PLAGL2: variants seen among roughly 807,000 people sequenced by gnomAD.
The protein encoded by PLAGL2 is zinc finger protein PLAGL2.
In PLAGL2, 7 loss-of-function variants were observed where a neutral mutation model predicts 29.0. The observed-to-expected ratio is 0.24, with a 90% CI of 0.14 to 0.45. The LOEUF is 0.45. Among genes scored for constraint, PLAGL2 ranks in the 20% least tolerant of loss-of-function variants. PLAGL2 has a pLI of 0.99. For synonymous variants in PLAGL2, 234 were observed against 266.0 expected (o/e 0.88, Z 1.17); for missense variants, 454 against 648.2 (o/e 0.70, Z 3.25).
At chr20:32,207,521 A>T (rs1056286334) in intron 1 of PLAGL2, 120 bp downstream of exon 1, 2 of 152,328 alleles carry the variant, frequency 1.3e-5, no homozygotes, top group African/African-American at 4.8e-5. Context: ...GGTGTGGGCG[A>T]CCGCGCTGAG....
Position 32,197,167 on chromosome 20 carries a change from A to G in PLAGL2, c.776T>C (p.Leu259Pro), listed in dbSNP as rs773671880. Residue 259 changes from leucine (L) to proline (P), a missense_variant, in exon 3 of 3, where the codon CTA becomes CCA. This residue lies in a region of PLAGL2 where 247 missense variants were observed against 350.3 expected (regional missense o/e 0.71). Transcript: ENST00000246229. The surrounding 1 kb of genome is among the most constrained non-coding windows in gnomAD (Gnocchi z 6.6). ...ACTGACTGTGGAGCTGCAGCTGAGT[A>G]GGCCTAACATGTCCACGGGCTCTGT... ...IKTEPVDMLG[L>P]LSCSSTVSVK... 4 of 1,614,080 alleles carry G rather than the reference A, an allele frequency of 2.5e-6. No homozygotes were observed. The highest frequency in any genetic ancestry group is 1.3e-5 in the African/African-American group (1 of 74,936).
rs1056776 is a variant in PLAGL2 at position 32,194,740 on chromosome 20, C to G, written c.*1712G>C. 44,999 of 152,480 alleles carry G rather than the reference C, an allele frequency of 0.3. 9,902 individuals are homozygous for G. The highest frequency in any genetic ancestry group is 0.62 in the African/African-American group (25,634 of 41,418). The allele number at this position is 152,480 out of a possible 1,614,324, so 9.4% of individuals were successfully genotyped here. On this transcript the variant is annotated 3_prime_UTR_variant, in exon 3 of 3. Coordinates refer to ENST00000246229, the MANE Select transcript of PLAGL2 (RefSeq NM_002657.3). ...CTTGGTAGTTTGTCCTGAAACCCTACTGGAGAAGTCAGCATGAGGCACCTA... is the reference window on the plus strand; with the variant it reads ...CTTGGTAGTTTGTCCTGAAACCCTAGTGGAGAAGTCAGCATGAGGCACCTA...
intron 2 of PLAGL2, 91 bp downstream of exon 2, chr20:32,201,828 C>T (rs1282950749): frequency 4.6e-6 from 5 of 1,089,370 alleles, no homozygotes; most frequent in Non-Finnish European, 6.7e-6. Flanking sequence ...CACTCTTCTG[C>T]CACAGATTAA....
At chr20:32,204,607 A>G (rs1007846530) in intron 1 of PLAGL2, among the ~76,000 whole-genome samples, 4 of 152,212 alleles carry the variant, frequency 2.6e-5, no homozygotes, top group African/African-American at 9.7e-5. Flanking sequence ...CCCTACCTAC[A>G]GTCACCAGCA....
chr20:32,203,994 T>C (rs2047273114), intron 1 of PLAGL2, among the ~76,000 whole-genome samples: 1 of 152,212 alleles, frequency 6.6e-6, no homozygotes, highest in African/African-American at 2.4e-5. Context: ...CCTGCTTCAC[T>C]ATAAACCTCA....
chr20:32,206,465 T>C (rs974296090), intron 1 of PLAGL2, among the ~76,000 whole-genome samples: 4 of 152,198 alleles, frequency 2.6e-5, no homozygotes, highest in Admixed American at 1.3e-4. Context: ...CTCCCACTCC[T>C]GGGGAGGCCT....
intron 2 of PLAGL2, among the ~76,000 whole-genome samples, chr20:32,200,885 C>A (rs369511954): frequency 6.6e-6 from 1 of 152,240 alleles, no homozygotes; most frequent in Non-Finnish European, 1.5e-5. Context: ...CGAGCCACCA[C>A]GCCTGGCCCA....
chr20:32,197,723 G>A lies in PLAGL2; in HGVS notation c.261-41C>T, dbSNP rs752232242. Reference sequence around the variant, plus strand: ...GGGGATAGGGGAGAAAGCAGAAAGAGGGGAGATCACAAGGGATGACTGGAC... The same window carrying A: ...GGGGATAGGGGAGAAAGCAGAAAGAAGGGAGATCACAAGGGATGACTGGAC... On this transcript the variant is annotated intron_variant, in intron 2 of 2. Coordinates refer to ENST00000246229, the MANE Select transcript of PLAGL2 (RefSeq NM_002657.3). This position sits in a 1 kb window ranked among gnomAD's most constrained non-coding sequence, Gnocchi z 6.6. 1.4e-5 allele frequency: 22 copies of A among 1,565,546 alleles called. 1 individual carries two copies. In the East Asian group the frequency reaches 4.5e-4, roughly 32 times the overall value.
At chr20:32,205,886 C>T (rs1399587078) in intron 1 of PLAGL2, among the ~76,000 whole-genome samples, 1 of 152,160 alleles carries the variant, frequency 6.6e-6, no homozygotes, top group Non-Finnish European at 1.5e-5. Context: ...AACACCCCTG[C>T]ACAAGGAAAG....
intron 2 of PLAGL2, among the ~76,000 whole-genome samples, chr20:32,198,754 A>C (rs2047243075): frequency 6.6e-6 from 1 of 152,230 alleles, no homozygotes; most frequent in Admixed American, 6.5e-5. Context: ...ATAAAAAAGA[A>C]AGAGAATATA....
At chr20:32,200,482 TC>T (rs751472799) in intron 2 of PLAGL2, among the ~76,000 whole-genome samples, 16 of 152,290 alleles carry the variant, frequency 1.1e-4, no homozygotes, top group Middle Eastern at 6.8e-3. Flanking sequence ...TGCCTTGGCC[TC>T]CCAAAGTGCT....
At chr20:32,205,535 T>C (rs1382706155) in intron 1 of PLAGL2, among the ~76,000 whole-genome samples, 1 of 152,184 alleles carries the variant, frequency 6.6e-6, no homozygotes, top group Non-Finnish European at 1.5e-5. Context: ...TGAGACATAT[T>C]TCTCCCCAGT....
In PLAGL2 at chr20:32,195,165, G is replaced by A. The variant is rs2047221194; in HGVS notation, c.*1287C>T. ...CCACTGTAAAGTGGAAGAGACAGAA[G>A]GGACATTGTGGATAAGGAAAATTTT... On this transcript the variant is annotated 3_prime_UTR_variant, in exon 3 of 3. Transcript: ENST00000246229. The A allele has an allele frequency of 6.6e-6, 1 of 152,274 alleles. No homozygotes were observed. The highest frequency in any genetic ancestry group is 1.5e-5 in the Non-Finnish European group (1 of 68,048). 9.4% of individuals were successfully genotyped at this position (152,274 alleles called of 1,614,324 possible). A position where few individuals can be genotyped will look rare whatever the true frequency, so the allele number is the denominator to read the frequency against.
intron 2 of PLAGL2, among the ~76,000 whole-genome samples, 192 bp downstream of exon 2, chr20:32,201,727 T>C (rs2047260474): frequency 1.3e-5 from 2 of 152,222 alleles, no homozygotes; most frequent in Admixed American, 1.3e-4. Flanking sequence ...CATCAGATTC[T>C]AGTGTCTGAA....
chr20:32,202,503 TCATGAATATAAAG>T (rs145762101), intron 1 of PLAGL2, among the ~76,000 whole-genome samples: 2,223 of 152,342 alleles, frequency 0.015, 48 homozygotes, highest in African/African-American at 0.049. Context: ...TTAAATGAGA[TCATGAATATAAAG>T]CATTCAGCAG....
intron 1 of PLAGL2, among the ~76,000 whole-genome samples, chr20:32,202,947 C>T (rs974802681): frequency 2.0e-5 from 3 of 152,196 alleles, no homozygotes; most frequent in African/African-American, 7.2e-5. Context: ...GAACTGGTCC[C>T]ATCCTGACCA....
chr20:32,199,796 C>A (rs999117239), intron 2 of PLAGL2, among the ~76,000 whole-genome samples: 4 of 151,780 alleles, frequency 2.6e-5, no homozygotes, highest in Non-Finnish European at 5.9e-5. Flanking sequence ...GTTATAATCA[C>A]GCCACTATAC....
intron 2 of PLAGL2, among the ~76,000 whole-genome samples, chr20:32,201,286 T>TAAAAAAA (rs997220541): frequency 6.6e-6 from 1 of 151,528 alleles, no homozygotes; most frequent in Non-Finnish European, 1.5e-5. Flanking sequence ...AAGCAATATT[T>TAAAAAAA]AAAAAAAAAT....
At chr20:32,202,506 T>C (rs1056787975) in intron 1 of PLAGL2, among the ~76,000 whole-genome samples, 8 of 147,898 alleles carry the variant, frequency 5.4e-5, no homozygotes, top group African/African-American at 2.1e-4. Flanking sequence ...AATGAGATCA[T>C]GAATATAAAG....
Sources: allele counts gnomAD v4.1 joint callset (sites outside exome capture counted in the v4.1 genomes callset), GRCh38; gene constraint gnomAD v4.1.1; regional missense constraint gnomAD v4.1.1; non-coding constraint Gnocchi (gnomAD v3.1); transcripts MANE v1.5; gene names NCBI Gene and HGNC (gene_info 2026-07-23, HGNC 2026-07-21).